The following MCF2L variants were observed in gnomAD, a reference collection of about 807,000 sequenced individuals.
The protein encoded by MCF2L is guanine nucleotide exchange factor DBS.
A neutral mutation model predicts 153.4 loss-of-function variants in MCF2L; 97 were observed. That is an observed-to-expected ratio of 0.63 (90% CI 0.54 to 0.75). MCF2L has a LOEUF of 0.75. Among genes scored for constraint, MCF2L ranks in the 30% least tolerant of loss-of-function variants. The pLI is 0.00. For synonymous variants in MCF2L, 659 were observed against 632.2 expected (o/e 1.04, Z -0.64); for missense variants, 1,347 against 1,495.2 (o/e 0.90, Z 1.64).
At chr13:113,063,415 CCT>C (rs1321735721) in intron 5 of MCF2L, among the ~76,000 whole-genome samples, 1 of 122,536 alleles carries the variant, frequency 8.2e-6, no homozygotes, top group Non-Finnish European at 1.8e-5. Flanking sequence ...TCCAGACACC[CCT>C]GTCCACACAG....
chr13:113,013,370 T>C (rs1594653599), intron 1 of MCF2L, among the ~76,000 whole-genome samples: 1 of 152,074 alleles, frequency 6.6e-6, no homozygotes, highest in Non-Finnish European at 1.5e-5. Flanking sequence ...CTCTGGCAGG[T>C]CCCATGACAC....
chr13:113,020,860 G>C (rs1401338152), intron 2 of MCF2L, among the ~76,000 whole-genome samples: 1 of 146,616 alleles, frequency 6.8e-6, no homozygotes, highest in African/African-American at 2.5e-5. Flanking sequence ...TGTATGTGTA[G>C]TGTGTATATG....
chr13:112,991,468 C>G (rs2082897644), intron 1 of MCF2L, among the ~76,000 whole-genome samples: 2 of 152,138 alleles, frequency 1.3e-5, no homozygotes, highest in African/African-American at 4.8e-5. Context: ...GAACACCTTT[C>G]AGACACATTA....
In MCF2L at chr13:113,096,599, A is replaced by C. The variant is rs770834645; in HGVS notation, c.3238A>C (p.Ser1080Arg). Residue 1080 changes from serine (S) to arginine (R), a missense_variant, in exon 29 of 30, where the codon AGC becomes CGC. Ser to Arg is a moderately radical substitution (Grantham distance 110). Around this residue, in one of 3 missense-constraint regions of MCF2L, gnomAD observed 383 missense variants for 335.4 expected, o/e 1.14. Transcript: ENST00000535094. ...TGKEGWVPAS[S>R]LSVRLGPSGS... The stretch of plus-strand genomic sequence containing the variant: ...CAAGGAGGGCTGGGTGCCGGCCAGC[A>C]GCCTGTCCGTCCGGCTCGGCCCGTC... 2 of 1,603,402 alleles carry C rather than the reference A, an allele frequency of 1.2e-6. No homozygotes were observed. The highest frequency in any genetic ancestry group is 1.1e-5 in the South Asian group (1 of 90,546).
chr13:112,971,749 C>G (rs536400549), intron 1 of MCF2L, among the ~76,000 whole-genome samples: 1 of 152,348 alleles, frequency 6.6e-6, no homozygotes, highest in East Asian at 1.9e-4. Context: ...TGAACCTGAT[C>G]TTCAGTAACA....
chr13:112,943,474 C>A lies in MCF2L; in HGVS notation c.169+41103C>A, dbSNP rs1355920326. ...GCCGCCTTGGTTGCAGGGGCCGGGG[C>A]GCGGCGGCCCGGGCTTTGAGAGACG... On this transcript the variant is annotated intron_variant, in intron 2 of 29. Coordinates refer to the MCF2L transcript ENST00000375608. The surrounding 1 kb of genome is among the most constrained non-coding windows in gnomAD (Gnocchi z 4.2). Among the ~76,000 whole-genome samples, 2 of 151,870 alleles carry A rather than the reference C, an allele frequency of 1.3e-5. No homozygotes were observed. Among genetic ancestry groups the A allele is most frequent in the Non-Finnish European group, 2.9e-5 (2 of 67,920 alleles).
intron 17 of MCF2L, among the ~76,000 whole-genome samples, chr13:113,082,813 C>T (rs1006896491): frequency 6.6e-5 from 10 of 152,144 alleles, no homozygotes; most frequent in Non-Finnish European, 1.3e-4. Flanking sequence ...AGCCCGAGTG[C>T]GCCCTGTTTT....
chr13:112,913,162 T>C (rs534434932), intron 2 of MCF2L, among the ~76,000 whole-genome samples: 1 of 147,940 alleles, frequency 6.8e-6, no homozygotes, highest in East Asian at 2.0e-4. Flanking sequence ...TGTGTCTGTA[T>C]GTATGGGGTG....
At chr13:112,970,041 A>G (rs1274908734) in intron 1 of MCF2L, among the ~76,000 whole-genome samples, 1 of 152,118 alleles carries the variant, frequency 6.6e-6, no homozygotes, top group Non-Finnish European at 1.5e-5. Context: ...GTTCAGATCG[A>G]TTCTTTTAGG....
In MCF2L at chr13:112,962,394, G is replaced by A. The variant is rs113089057; in HGVS notation, c.170-52369G>A. On this transcript the variant is annotated intron_variant, in intron 2 of 29. Coordinates refer to the MCF2L transcript ENST00000375608. Reference sequence around the variant, plus strand: ...TCTAGTGAGGTGGTGCTGTCTCCTCGGAGGCCTGCATGTGCTGGTGGGTTG... The same window carrying A: ...TCTAGTGAGGTGGTGCTGTCTCCTCAGAGGCCTGCATGTGCTGGTGGGTTG... 2.3e-3 allele frequency among the ~76,000 whole-genome samples: 351 copies of A among 152,308 alleles called. 1 individual carries two copies. The highest frequency in any genetic ancestry group is 8.1e-3 in the African/African-American group (335 of 41,566).
At chr13:113,009,274 T>G (rs992239499) in intron 1 of MCF2L, 1 of 152,258 alleles carries the variant, frequency 6.6e-6, no homozygotes, top group African/African-American at 2.4e-5. Flanking sequence ...TGGCAGGGCC[T>G]TGTATTTTTA....
Position 112,951,433 on chromosome 13 carries a change from C to A in MCF2L, c.169+49062C>A, listed in dbSNP as rs1594373420. Among the ~76,000 whole-genome samples, 1 of 152,144 alleles carries A rather than the reference C, an allele frequency of 6.6e-6. No individual in the cohort carries two copies. Among genetic ancestry groups the A allele is most frequent in the Non-Finnish European group, 1.5e-5 (1 of 68,022 alleles). ...TTTATATTCGTTTATTTGTCGCAGT[C>A]AAAAACTGGAAAGAACCCCAATGTC... On this transcript the variant is annotated intron_variant, in intron 2 of 29. Transcript: ENST00000375608. The surrounding 1 kb of genome is among the most constrained non-coding windows in gnomAD (Gnocchi z 4.8).
chr13:112,978,382 G>C (rs2082285199), intron 1 of MCF2L, among the ~76,000 whole-genome samples: 1 of 152,246 alleles, frequency 6.6e-6, no homozygotes, highest in African/African-American at 2.4e-5. Context: ...TGGAAGGCAG[G>C]AGGGGGATGG....
Position 113,074,332 on chromosome 13 carries a change from C to T in MCF2L, c.997-112C>T. The T allele has an allele frequency of 7.2e-7, 1 of 1,379,736 alleles. No individual in the cohort carries two copies. Among genetic ancestry groups the T allele is most frequent in the Non-Finnish European group, 1.0e-6 (1 of 987,934 alleles). The allele number at this position is 1,379,736 out of a possible 1,614,324, so 85.5% of individuals were successfully genotyped here. On this transcript the variant is annotated intron_variant, in intron 9 of 29. Transcript: ENST00000535094. This position sits in a 1 kb window ranked among gnomAD's most constrained non-coding sequence, Gnocchi z 4.2. ...CTGTGGTCCCTGCTTGATTGATGAC[C>T]ACTTGGCCCGACTTTGAATTCTGTC...
At position 113,021,073 on chromosome 13, in the gene MCF2L, T is replaced by C. The variant is rs114115056; in HGVS notation, c.164-3571T>C. Among the ~76,000 whole-genome samples the C allele has an allele frequency of 7.8e-3, 1,189 of 152,116 alleles. 15 individuals carry two copies. The highest frequency in any genetic ancestry group is 0.027 in the African/African-American group (1,140 of 41,480). Reference sequence around the variant, plus strand: ...GTATATCCATGTGTGTATATATAGGTGTGTATGTTTGTACATATATGTACA... The same window carrying C: ...GTATATCCATGTGTGTATATATAGGCGTGTATGTTTGTACATATATGTACA... On this transcript the variant is annotated intron_variant, in intron 2 of 29. Transcript: ENST00000535094.
intron 17 of MCF2L, among the ~76,000 whole-genome samples, chr13:113,083,656 G>A (rs2034361905): frequency 1.3e-5 from 2 of 152,202 alleles, no homozygotes; most frequent in Admixed American, 1.3e-4. Flanking sequence ...CAGACCCACG[G>A]CCAGTTATGG....
At chr13:113,078,563 A>C in intron 14 of MCF2L, 103 bp from the exon 15 acceptor site, 1 of 1,397,172 alleles carries the variant, frequency 7.2e-7, no homozygotes, top group Non-Finnish European at 1.0e-6. Flanking sequence ...CATCGTGGGA[A>C]TTCAGCCCTG....
intron 5 of MCF2L, among the ~76,000 whole-genome samples, chr13:113,062,554 C>T (rs529398047): frequency 2.6e-5 from 4 of 152,180 alleles, no homozygotes; most frequent in South Asian, 2.1e-4. Flanking sequence ...CCCTGCACAA[C>T]GGCTCCACAG....
intron 3 of MCF2L, among the ~76,000 whole-genome samples, chr13:113,032,403 C>G (rs762088145): frequency 1.3e-5 from 2 of 152,250 alleles, no homozygotes; most frequent in Non-Finnish European, 2.9e-5. Context: ...GCTTCCCTCC[C>G]CCACAGCTAA....
Sources: allele counts gnomAD v4.1 joint callset (sites outside exome capture counted in the v4.1 genomes callset), GRCh38; gene constraint gnomAD v4.1.1; regional missense constraint gnomAD v4.1.1; non-coding constraint Gnocchi (gnomAD v3.1); transcripts MANE v1.5; gene names NCBI Gene and HGNC (gene_info 2026-07-23, HGNC 2026-07-21).